Variants in EPHB1 observed in about 807,000 individuals in gnomAD.
EPHB1 encodes EPH receptor B1, also known as ephrin type-B receptor 1.
Under a neutral mutation model 94.4 loss-of-function variants are expected in EPHB1, and 30 were observed. The ratio of observed to expected loss-of-function variants is 0.32; its 90% confidence interval spans 0.24 to 0.43. The LOEUF is 0.43. Ranked by LOEUF, EPHB1 falls within the 20% of genes least tolerant of loss-of-function variation. The probability of loss-of-function intolerance (pLI) is 1.00; values close to 1 mark genes in which losing one functional copy is unlikely to be tolerated. For missense variants in EPHB1, 1,055 were observed against 1,308.3 expected (o/e 0.81, Z 2.99); for synonymous variants, 522 against 489.1 (o/e 1.07, Z -0.89).
chr3:135,115,481 C>T (rs937467035), intron 4 of EPHB1, among the ~76,000 whole-genome samples: 4 of 152,180 alleles, frequency 2.6e-5, no homozygotes, highest in African/African-American at 7.2e-5. Context: ...TTGCTTTGCG[C>T]ACCCTGAGCA....
chr3:134,921,058 G>A (rs1282675066), intron 1 of EPHB1, among the ~76,000 whole-genome samples: 4 of 152,108 alleles, frequency 2.6e-5, no homozygotes, highest in African/African-American at 4.8e-5. Flanking sequence ...TCTATGCTAG[G>A]TTTCTTATGC....
At chr3:134,956,671 G>A (rs1177783994) in intron 3 of EPHB1, among the ~76,000 whole-genome samples, 1 of 152,150 alleles carries the variant, frequency 6.6e-6, no homozygotes, top group Non-Finnish European at 1.5e-5. Context: ...TTTTAGGTAA[G>A]TCCCTTTTCA....
chr3:134,889,098 A>G (rs2037916285), intron 1 of EPHB1, among the ~76,000 whole-genome samples: 1 of 152,190 alleles, frequency 6.6e-6, no homozygotes, highest in Admixed American at 6.5e-5. Context: ...AAAGAGTTTG[A>G]GGGTGAGCAG....
intron 13 of EPHB1, among the ~76,000 whole-genome samples, chr3:135,243,678 G>T (rs1943849089): frequency 6.6e-6 from 1 of 152,172 alleles, no homozygotes; most frequent in Non-Finnish European, 1.5e-5. Flanking sequence ...GTTGGTGGTG[G>T]TAAAGGATTT....
intron 12 of EPHB1, among the ~76,000 whole-genome samples, chr3:135,234,990 C>A (rs546131553): frequency 4.6e-5 from 7 of 151,714 alleles, no homozygotes; most frequent in Non-Finnish European, 1.0e-4. Flanking sequence ...CATTGCTCAT[C>A]AACACAAATA....
intron 3 of EPHB1, among the ~76,000 whole-genome samples, chr3:135,034,964 A>G (rs1936600816): frequency 1.3e-5 from 2 of 152,188 alleles, no homozygotes. Context: ...ATACAGAGAA[A>G]CCTTGAGTAT....
chr3:135,006,740 A>G (rs1935430399), intron 3 of EPHB1, among the ~76,000 whole-genome samples: 1 of 152,226 alleles, frequency 6.6e-6, no homozygotes, highest in African/African-American at 2.4e-5. Context: ...GAATCCAAAT[A>G]TATCTATACG....
At chr3:135,177,089 G>T (rs868274515) in intron 9 of EPHB1, among the ~76,000 whole-genome samples, 1 of 152,166 alleles carries the variant, frequency 6.6e-6, no homozygotes, top group Middle Eastern at 3.2e-3. Flanking sequence ...TGCTAGGTAT[G>T]TCGTCAGCAA....
chr3:134,980,446 A>G (rs1466731171), intron 3 of EPHB1, among the ~76,000 whole-genome samples: 1 of 143,848 alleles, frequency 7.0e-6, no homozygotes, highest in Non-Finnish European at 1.5e-5. Flanking sequence ...CAAGAGGAAG[A>G]GATAGATGCC....
At chr3:134,908,213 CCTT>C (rs1191025380) in intron 1 of EPHB1, among the ~76,000 whole-genome samples, 3 of 152,344 alleles carry the variant, frequency 2.0e-5, no homozygotes, top group African/African-American at 7.2e-5. Flanking sequence ...TGGTGTGGGG[CCTT>C]CTGCGTATGC....
chr3:135,129,256 T>C (rs150980830), intron 4 of EPHB1, among the ~76,000 whole-genome samples: 350 of 151,420 alleles, frequency 2.3e-3, no homozygotes, highest in Admixed American at 3.9e-3. Flanking sequence ...CAGCTGGGAG[T>C]AAATGAACAG....
intron 3 of EPHB1, among the ~76,000 whole-genome samples, chr3:135,038,378 G>T (rs1469707852): frequency 6.6e-6 from 1 of 152,078 alleles, no homozygotes; most frequent in Non-Finnish European, 1.5e-5. Context: ...TTCCTCTTTG[G>T]TCAGTTCGTG....
intron 9 of EPHB1, among the ~76,000 whole-genome samples, chr3:135,177,287 A>C (rs1942007502): frequency 6.6e-6 from 1 of 152,190 alleles, no homozygotes; most frequent in Admixed American, 6.5e-5. Flanking sequence ...ACCACAGCAC[A>C]GAATTTGGGA....
intron 15 of EPHB1, among the ~76,000 whole-genome samples, chr3:135,257,184 A>T (rs1933434206): frequency 6.6e-6 from 1 of 151,844 alleles, no homozygotes. Context: ...AGCTCAGAGT[A>T]ATTTGATCGT....
intron 12 of EPHB1, among the ~76,000 whole-genome samples, chr3:135,217,935 G>A (rs1365704052): frequency 6.6e-6 from 1 of 152,088 alleles, no homozygotes; most frequent in African/African-American, 2.4e-5. Context: ...AAGGTTTACT[G>A]GCTTTCTGTC....
chr3:135,248,889 G>A (rs569560850), intron 14 of EPHB1, among the ~76,000 whole-genome samples: 12 of 152,108 alleles, frequency 7.9e-5, no homozygotes, highest in South Asian at 4.2e-4. Context: ...AGAGAAGGTC[G>A]GCAATGGGTC....
intron 4 of EPHB1, among the ~76,000 whole-genome samples, chr3:135,114,728 G>GATAA (rs67059261): frequency 0.34 from 44,771 of 133,354 alleles, 7,755 homozygotes; most frequent in Middle Eastern, 0.39. Flanking sequence ...GTCTCAGATA[G>GATAA]ATAAATAAAT....
intron 3 of EPHB1, among the ~76,000 whole-genome samples, chr3:134,976,792 C>T (rs1934209508): frequency 6.6e-6 from 1 of 152,092 alleles, no homozygotes; most frequent in Admixed American, 6.5e-5. Context: ...GTATCAAAAG[C>T]CCTAAGAAAA....
intron 4 of EPHB1, among the ~76,000 whole-genome samples, chr3:135,128,757 T>G (rs962209254): frequency 6.6e-6 from 1 of 152,212 alleles, no homozygotes; most frequent in Non-Finnish European, 1.5e-5. Context: ...TTTTTCTGCC[T>G]CTCAAGTGCT....
Sources: allele counts gnomAD v4.1 joint callset (sites outside exome capture counted in the v4.1 genomes callset), GRCh38; gene constraint gnomAD v4.1.1; transcripts MANE v1.5; gene names NCBI Gene and HGNC (gene_info 2026-07-23, HGNC 2026-07-21).